The following ING4 variants were observed in gnomAD, a reference collection of about 807,000 sequenced individuals.
ING4 encodes inhibitor of growth family member 4.
In ING4, 28 loss-of-function variants were observed where a neutral mutation model predicts 33.1. The observed-to-expected ratio is 0.85, with a 90% CI of 0.63 to 1.16. The LOEUF is 1.16. Among genes scored for constraint, ING4 ranks in the 50% most tolerant of loss-of-function variants. The pLI, the probability that ING4 is intolerant of heterozygous loss-of-function variation, is 0.00. For synonymous variants in ING4, 87 were observed against 104.4 expected (o/e 0.83, Z 1.02); for missense variants, 247 against 314.7 (o/e 0.78, Z 1.63).
At chr12:6,652,842 C>G (rs1949228674) in intron 4 of ING4, 75 bp from the exon 5 acceptor site, 1 of 1,569,540 alleles carries the variant, frequency 6.4e-7, no homozygotes, top group Non-Finnish European at 8.8e-7. Context: ...CTCCCCCTTT[C>G]CAACCTGGTG....
intron 2 of ING4, 87 bp downstream of exon 2, chr12:6,656,640 C>A: frequency 1.3e-6 from 1 of 773,018 alleles, no homozygotes; most frequent in South Asian, 1.7e-5. Flanking sequence ...TTCTCCAGAT[C>A]ATACCAGATG....
intron 1 of ING4, among the ~76,000 whole-genome samples, chr12:6,662,665 A>T (rs1949593040): frequency 6.6e-6 from 1 of 152,180 alleles, no homozygotes. Context: ...CCCCATGAGA[A>T]GCCACTTTTG....
chr12:6,659,671 G>C (rs1949483243), intron 1 of ING4, among the ~76,000 whole-genome samples: 1 of 151,876 alleles, frequency 6.6e-6, no homozygotes, highest in African/African-American at 2.4e-5. Flanking sequence ...AAATTAGCTG[G>C]CCGTGGTGGC....
At chr12:6,660,648 T>TAA (rs201814087) in intron 1 of ING4, among the ~76,000 whole-genome samples, 8 of 150,578 alleles carry the variant, frequency 5.3e-5, no homozygotes, top group Non-Finnish European at 8.9e-5. Flanking sequence ...ATAAAATAAA[T>TAA]AAAAAAAAAT....
intron 2 of ING4, chr12:6,656,322 C>T (rs144975797): frequency 2.0e-5 from 5 of 245,016 alleles, no homozygotes; most frequent in South Asian, 4.3e-5. Context: ...ATTACTGGTG[C>T]GTGCCACCAC....
intron 2 of ING4, among the ~76,000 whole-genome samples, chr12:6,655,315 A>G (rs978386670): frequency 6.6e-6 from 1 of 152,256 alleles, no homozygotes; most frequent in Non-Finnish European, 1.5e-5. Context: ...AAGTGCTGGG[A>G]TTACAGGCGT....
intron 2 of ING4, 77 bp from the exon 3 acceptor site, chr12:6,653,473 G>C: frequency 7.1e-7 from 1 of 1,406,572 alleles, no homozygotes; most frequent in South Asian, 1.4e-5. Context: ...TTTGTTCTTT[G>C]GACCTTTTCC....
Position 6,653,406 on chromosome 12 carries a change from A to C in ING4, c.110-10T>G, listed in dbSNP as rs961902044. The C allele has an allele frequency of 3.1e-6, 5 of 1,612,510 alleles. No individual in the cohort carries two copies. The African/African-American group carries it at 5.3e-5, about 17-fold the overall frequency. ...ATTTCAGCCTTCAGGTCTACAACAG[A>C]GACAGAGGCCTGGTCACAATGGCCC... On this transcript the variant is annotated splice_polypyrimidine_tract_variant and intron_variant, in intron 2 of 7. Transcript: ENST00000341550.
chr12:6,653,179 A>G, intron 3 of ING4, 51 bp downstream of exon 3: 2 of 1,608,358 alleles, frequency 1.2e-6, no homozygotes, highest in Non-Finnish European at 1.7e-6. Context: ...GGGGTCTAAG[A>G]CCCTGAGGAT....
intron 1 of ING4, among the ~76,000 whole-genome samples, chr12:6,662,674 T>C (rs1000436566): frequency 2.6e-5 from 4 of 152,160 alleles, no homozygotes; most frequent in Non-Finnish European, 4.4e-5. Context: ...AAGCCACTTT[T>C]GAGGAAGAAT....
chr12:6,655,217 T>C (rs749108024), intron 2 of ING4, among the ~76,000 whole-genome samples: 1 of 151,586 alleles, frequency 6.6e-6, no homozygotes, highest in Non-Finnish European at 1.5e-5. Flanking sequence ...CTAATTTTTG[T>C]ATTTTTAGCA....
rs369960359 is a variant in ING4, at chr12:6,651,143, A to T, written c.*52T>A. 2 of 1,599,364 alleles carry T rather than the reference A, an allele frequency of 1.3e-6. No homozygotes were observed. The highest frequency in any genetic ancestry group is 2.7e-5 in the African/African-American group (2 of 74,660). On this transcript the variant is annotated 3_prime_UTR_variant, in exon 8 of 8. Transcript: ENST00000341550. ...CAGCACAGGCATTCCTCTGCCCACT[A>T]GCCCAAGTCAGGGGATGTGGAAGAA...
chr12:6,654,163 G>A (rs904495788), intron 2 of ING4, among the ~76,000 whole-genome samples: 1 of 151,892 alleles, frequency 6.6e-6, no homozygotes, highest in African/African-American at 2.4e-5. Flanking sequence ...AGAGGCAGGC[G>A]CAGGTTCTCT....
At chr12:6,654,553 G>A (rs1949291497) in intron 2 of ING4, among the ~76,000 whole-genome samples, 1 of 152,004 alleles carries the variant, frequency 6.6e-6, no homozygotes, top group Non-Finnish European at 1.5e-5. Flanking sequence ...TGCCCAGGCT[G>A]GTCTTGAACT....
chr12:6,652,460 G>C, intron 5 of ING4, 42 bp from the exon 6 acceptor site: 2 of 1,605,420 alleles, frequency 1.2e-6, no homozygotes, highest in Non-Finnish European at 1.7e-6. Flanking sequence ...TACAGGAAGG[G>C]AAGCTAAAGC....
chr12:6,651,923 G>A (rs955736013), intron 6 of ING4, among the ~76,000 whole-genome samples: 2 of 146,976 alleles, frequency 1.4e-5, no homozygotes, highest in African/African-American at 5.1e-5. Context: ...CGTGATCTCA[G>A]CTCACTGCAA....
chr12:6,660,097 A>G (rs999917333), intron 1 of ING4, among the ~76,000 whole-genome samples: 3 of 152,216 alleles, frequency 2.0e-5, no homozygotes, highest in African/African-American at 7.2e-5. Flanking sequence ...ATACTTGAAT[A>G]AATGCATGAA....
At position 6,652,974 on chromosome 12, in the gene ING4, G is replaced by A; in HGVS notation, c.353C>T (p.Ser118Leu). The A allele has an allele frequency of 6.2e-7, 1 of 1,613,790 alleles. No homozygotes were observed. Residue 118 changes from serine (S) to leucine (L), a missense_variant, in exon 4 of 8, where the codon TCA (serine) becomes TTA (leucine). Ser to Leu is a moderately radical substitution (Grantham distance 145). Transcript: ENST00000341550. ...EADLKEKQIESSDYDSSSSKG... is the reference protein window; with the variant it reads ...EADLKEKQIELSDYDSSSSKG... ...GCTGGAAGAGCTGTCATAGTCACTT[G>A]ACTCAATCTGTTTCTCCTTGAGATC...
Position 6,651,347 on chromosome 12 carries a change from C to A in ING4, c.684G>T (p.Leu228=). 6.2e-7 allele frequency: 1 copy of A among 1,614,166 alleles called. No individual in the cohort carries two copies. Among genetic ancestry groups the A allele is most frequent in the South Asian group, 1.1e-5 (1 of 91,074 alleles). Residue 228 remains leucine, a synonymous_variant, in exon 7 of 8, where the codon CTG becomes CTT. Coordinates refer to ENST00000341550, the MANE Select transcript of ING4 (RefSeq NM_016162.4). ...ACCATTTCCCCCGAGGCTTGGTTGT[C>A]AGCCCCACACAGGCAAAATGGAACC... ...IEWFHFACVG[L]TTKPRGKWFC...
Sources: gnomAD v4.1 joint callset for allele counts (sites outside exome capture counted in the v4.1 genomes callset) on GRCh38, gnomAD v4.1.1 for gene constraint, MANE v1.5 for transcripts, NCBI Gene and HGNC (gene_info 2026-07-23, HGNC 2026-07-21) for gene names.